ENAH: variants seen among roughly 807,000 people sequenced by gnomAD.
ENAH encodes protein enabled homolog.
A neutral mutation model predicts 78.7 loss-of-function variants in ENAH; 23 were observed. The observed-to-expected ratio is 0.29, with a 90% CI of 0.21 to 0.41. ENAH has a LOEUF of 0.41. ENAH is among the 10% of genes least tolerant of loss of function. The pLI is 1.00. For missense variants in ENAH, 544 were observed against 691.0 expected (o/e 0.79, Z 2.39); for synonymous variants, 226 against 241.0 (o/e 0.94, Z 0.58).
At chr1:225,540,048 G>A (rs928205356) in intron 3 of ENAH, among the ~76,000 whole-genome samples, 3 of 152,064 alleles carry the variant, frequency 2.0e-5, no homozygotes, top group Non-Finnish European at 2.9e-5. Flanking sequence ...AGATTTCCTA[G>A]GAAATATGAG....
chr1:225,556,078 C>T (rs1316675874), intron 2 of ENAH, among the ~76,000 whole-genome samples: 2 of 152,100 alleles, frequency 1.3e-5, no homozygotes, highest in Admixed American at 6.6e-5. Context: ...CTATGGTAGT[C>T]GTTTGTATAA....
At chr1:225,520,934 G>GAGGGAGGGAGGA (rs2096462680) in intron 4 of ENAH, among the ~76,000 whole-genome samples, 1 of 2,860 alleles carries the variant, frequency 3.5e-4, no homozygotes, top group African/African-American at 7.4e-4. Flanking sequence ...GGGAGGGAGG[G>GAGGGAGGGAGGA]AGGGAGGGAG....
intron 1 of ENAH, among the ~76,000 whole-genome samples, chr1:225,606,109 T>C (rs1002338123): frequency 3.9e-5 from 6 of 152,184 alleles, no homozygotes; most frequent in African/African-American, 1.4e-4. Flanking sequence ...TTTTCACAAA[T>C]ACTTTTAATG....
chr1:225,652,677 G>A lies in ENAH; in HGVS notation c.5+9C>T, dbSNP rs1268721775. 1.6e-6 allele frequency: 2 copies of A among 1,280,200 alleles called. No individual in the cohort carries two copies. Among genetic ancestry groups the A allele is most frequent in the East Asian group, 3.1e-5 (1 of 31,894 alleles). 79.3% of individuals were successfully genotyped at this position (1,280,200 alleles called of 1,614,324 possible). A position where few individuals can be genotyped will look rare whatever the true frequency, so the allele number is the denominator to read the frequency against. ...GGCCCGCCCGGCCCCCGCCCCGCGCGCCCCTCACCTCATGGTGCCGGCGGC... is the reference window on the plus strand; with the variant it reads ...GGCCCGCCCGGCCCCCGCCCCGCGCACCCCTCACCTCATGGTGCCGGCGGC... On this transcript the variant is annotated intron_variant, in intron 1 of 13. Coordinates refer to ENST00000366843, the MANE Select transcript of ENAH (RefSeq NM_018212.6).
intron 1 of ENAH, among the ~76,000 whole-genome samples, chr1:225,610,081 T>A (rs1346228415): frequency 6.6e-6 from 1 of 152,002 alleles, no homozygotes. Flanking sequence ...AAAACCATGC[T>A]TTAGAATAAT....
At chr1:225,561,085 T>C (rs2096702468) in intron 2 of ENAH, among the ~76,000 whole-genome samples, 1 of 151,096 alleles carries the variant, frequency 6.6e-6, no homozygotes, top group Non-Finnish European at 1.5e-5. Context: ...AATACAAAAA[T>C]TAGCTGGGCT....
chr1:225,521,827 G>A (rs1048839697), intron 4 of ENAH, among the ~76,000 whole-genome samples: 7 of 151,640 alleles, frequency 4.6e-5, no homozygotes, highest in Admixed American at 2.0e-4. Flanking sequence ...ACAGAGTCTT[G>A]CTCTGTCGCC....
At chr1:225,579,312 A>C (rs2096803000) in intron 1 of ENAH, among the ~76,000 whole-genome samples, 1 of 152,252 alleles carries the variant, frequency 6.6e-6, no homozygotes, top group Non-Finnish European at 1.5e-5. Flanking sequence ...ATTTAATTTG[A>C]AGCTAAGAGG....
chr1:225,510,449 T>C (rs1240448015), intron 10 of ENAH, among the ~76,000 whole-genome samples: 3 of 152,050 alleles, frequency 2.0e-5, no homozygotes, highest in Admixed American at 2.0e-4. Context: ...GCGGTACTAA[T>C]GAGAGTACAT....
chr1:225,614,546 T>A lies in ENAH; in HGVS notation c.5+38140A>T, dbSNP rs1343883378. 2.6e-5 allele frequency among the ~76,000 whole-genome samples: 4 copies of A among 152,294 alleles called. No homozygotes were observed. In the South Asian group the frequency reaches 8.3e-4, roughly 32 times the overall value. ...CCAGACTCTATCCTTTGGGTTTGTA[T>A]AGAGGCTTCATTATGTAGACATGAC... On this transcript the variant is annotated intron_variant, in intron 1 of 13. Coordinates refer to ENST00000366843, the MANE Select transcript of ENAH (RefSeq NM_018212.6).
intron 1 of ENAH, among the ~76,000 whole-genome samples, chr1:225,609,676 T>C (rs1241722761): frequency 2.2e-5 from 3 of 137,656 alleles, no homozygotes; most frequent in Non-Finnish European, 3.1e-5. Context: ...TTTTTTTTTT[T>C]TTTTTTTTGA....
intron 1 of ENAH, among the ~76,000 whole-genome samples, chr1:225,614,430 C>T (rs908956817): frequency 6.6e-6 from 1 of 152,112 alleles, no homozygotes; most frequent in Non-Finnish European, 1.5e-5. Flanking sequence ...TGGAAGGGTC[C>T]TAAGAGCAAG....
upstream of ENAH, among the ~76,000 whole-genome samples, chr1:225,653,878 A>G (rs1663503867): frequency 6.6e-6 from 1 of 152,180 alleles, no homozygotes; most frequent in Non-Finnish European, 1.5e-5. The surrounding 1 kb of genome is among the most constrained non-coding windows in gnomAD (Gnocchi z 4.3). Context: ...TTCCCGAGGA[A>G]TCCCAGCGTG....
chr1:225,531,801 G>A (rs2096539075), intron 3 of ENAH, among the ~76,000 whole-genome samples: 1 of 152,050 alleles, frequency 6.6e-6, no homozygotes, highest in Admixed American at 6.5e-5. Context: ...AGGATGTAAT[G>A]CAGTACTGGT....
At chr1:225,517,078 A>T in intron 6 of ENAH, 118 bp downstream of exon 6, 2 of 695,420 alleles carry the variant, frequency 2.9e-6, no homozygotes, top group Non-Finnish European at 4.4e-6. Flanking sequence ...GCATGGCATT[A>T]TGGCATATAA....
chr1:225,561,619 T>TTAAAA (rs140300660), intron 2 of ENAH, among the ~76,000 whole-genome samples: 17,314 of 125,756 alleles, frequency 0.14, 1,301 homozygotes, highest in Admixed American at 0.17. Context: ...AGATTCCGTC[T>TTAAAA]TAAAATAAAA....
At chr1:225,516,585 C>A (rs12034829) in intron 6 of ENAH, among the ~76,000 whole-genome samples, 127,269 of 152,172 alleles carry the variant, frequency 0.84, 53,324 homozygotes, top group Middle Eastern at 0.91. Flanking sequence ...CAGTGAAAGA[C>A]ATGTATTAGC....
At chr1:225,591,444 G>T (rs1440112828) in intron 1 of ENAH, among the ~76,000 whole-genome samples, 1 of 151,070 alleles carries the variant, frequency 6.6e-6, no homozygotes, top group Non-Finnish European at 1.5e-5. Context: ...CTCCAGCCTG[G>T]GCGACAAGAG....
At chr1:225,503,133 CCAT>C (rs758190228) in intron 11 of ENAH, among the ~76,000 whole-genome samples, 11 of 152,228 alleles carry the variant, frequency 7.2e-5, no homozygotes, top group South Asian at 6.2e-4. Flanking sequence ...ACCACCACCA[CCAT>C]GATAATTAAC....
Sources: allele counts gnomAD v4.1 joint callset (sites outside exome capture counted in the v4.1 genomes callset), GRCh38; gene constraint gnomAD v4.1.1; non-coding constraint Gnocchi (gnomAD v3.1); transcripts MANE v1.5; gene names NCBI Gene and HGNC (gene_info 2026-07-23, HGNC 2026-07-21).